Variants in CAMK2D observed in about 807,000 individuals in gnomAD.
The protein encoded by CAMK2D is calcium/calmodulin dependent protein kinase II delta, also known as calcium/calmodulin-dependent protein kinase type II subunit delta.
Under a neutral mutation model 84.0 loss-of-function variants are expected in CAMK2D, and 37 were observed. The observed-to-expected ratio is 0.44, with a 90% CI of 0.34 to 0.58. CAMK2D has a LOEUF of 0.58. Among genes scored for constraint, CAMK2D ranks in the 20% least tolerant of loss-of-function variants. The probability of loss-of-function intolerance (pLI) is 0.02; values close to 1 mark genes in which losing one functional copy is unlikely to be tolerated. For synonymous variants in CAMK2D, 202 were observed against 212.5 expected, an observed-to-expected ratio of 0.95 and a Z score of 0.43; for missense variants, 448 against 652.5, an observed-to-expected ratio of 0.69 and a Z score of 3.41.
chr4:113,730,465 T>C (rs1202026039), intron 2 of CAMK2D, among the ~76,000 whole-genome samples: 24 of 152,202 alleles, frequency 1.6e-4, no homozygotes. Flanking sequence ...ATAGATAGTA[T>C]TAGCCATATA....
chr4:113,545,143 C>T (rs1591010788), intron 6 of CAMK2D, among the ~76,000 whole-genome samples: 1 of 152,034 alleles, frequency 6.6e-6, no homozygotes, highest in Admixed American at 6.6e-5. Context: ...TTTGGTTGAC[C>T]TTCATTCATT....
chr4:113,761,666 G>C lies in CAMK2D; in HGVS notation c.-598C>G, dbSNP rs1234545807. On this transcript the variant is annotated 5_prime_UTR_variant, in exon 1 of 21. Coordinates refer to ENST00000511664, the MANE Select transcript of CAMK2D (RefSeq NM_001321571.2). ...TCCGGCGGGCGGCAGCGGCTCCGGC[G>C]AAGCGAGGCACCTTGGCGGCCTCGC... 9.1e-6 allele frequency: 9 copies of C among 984,860 alleles called. No individual in the cohort carries two copies. The highest frequency in any genetic ancestry group is 3.5e-5 in the African/African-American group (2 of 57,166). 61.0% of individuals were successfully genotyped at this position (984,860 alleles called of 1,614,324 possible).
intron 16 of CAMK2D, among the ~76,000 whole-genome samples, chr4:113,499,544 T>A (rs2098000753): frequency 3.3e-5 from 5 of 152,216 alleles, no homozygotes. Context: ...AAGACTTTAT[T>A]GTATTAACAC....
At chr4:113,569,195 C>A (rs1476092393) in intron 4 of CAMK2D, among the ~76,000 whole-genome samples, 1 of 152,022 alleles carries the variant, frequency 6.6e-6, no homozygotes, top group Non-Finnish European at 1.5e-5. Flanking sequence ...TATTTTTACT[C>A]TCTTGATTGT....
At chr4:113,645,571 T>C (rs970735688) in intron 3 of CAMK2D, among the ~76,000 whole-genome samples, 3 of 152,194 alleles carry the variant, frequency 2.0e-5, no homozygotes, top group Non-Finnish European at 4.4e-5. Flanking sequence ...AACCTTTCTC[T>C]TTCTTTCCTG....
intron 2 of CAMK2D, among the ~76,000 whole-genome samples, chr4:113,715,424 G>A (rs1471092450): frequency 6.6e-6 from 1 of 151,956 alleles, no homozygotes; most frequent in Non-Finnish European, 1.5e-5. Context: ...ATTCTCATAT[G>A]CTATGAGTTT....
chr4:113,529,489 A>G (rs963924684), intron 8 of CAMK2D, among the ~76,000 whole-genome samples: 25 of 152,196 alleles, frequency 1.6e-4, no homozygotes, highest in African/African-American at 6.0e-4. Flanking sequence ...AAGCCAAACT[A>G]TGATAGTTAG....
At chr4:113,705,304 G>C (rs2099444513) in intron 2 of CAMK2D, among the ~76,000 whole-genome samples, 1 of 149,126 alleles carries the variant, frequency 6.7e-6, no homozygotes, top group Non-Finnish European at 1.5e-5. Context: ...TTCAGCCTGG[G>C]GGACAAAGTG....
intron 2 of CAMK2D, among the ~76,000 whole-genome samples, chr4:113,676,357 C>T (rs1028133692): frequency 3.9e-5 from 6 of 152,154 alleles, no homozygotes; most frequent in Non-Finnish European, 8.8e-5. Context: ...TTAAAAATCA[C>T]AGTTGCTGGC....
At chr4:113,579,231 A>G (rs1388530307) in intron 4 of CAMK2D, among the ~76,000 whole-genome samples, 1 of 152,224 alleles carries the variant, frequency 6.6e-6, no homozygotes, top group East Asian at 1.9e-4. Context: ...AGTCTTTGCT[A>G]AAATTGTTGC....
chr4:113,461,084 G>T (rs1178509958), intron 17 of CAMK2D, among the ~76,000 whole-genome samples: 1 of 152,078 alleles, frequency 6.6e-6, no homozygotes, highest in East Asian at 1.9e-4. Flanking sequence ...TACACTTCCT[G>T]GCAATGTCCA....
chr4:113,618,620 ATAT>A (rs1313658335), intron 3 of CAMK2D, among the ~76,000 whole-genome samples: 2 of 152,212 alleles, frequency 1.3e-5, no homozygotes, highest in African/African-American at 2.4e-5. Context: ...TTGTACTATA[ATAT>A]TATATTATCC....
chr4:113,496,488 AC>A (rs2154145381), intron 16 of CAMK2D, among the ~76,000 whole-genome samples: 1 of 130,990 alleles, frequency 7.6e-6, no homozygotes, highest in South Asian at 2.4e-4. Flanking sequence ...TCACTCTGTC[AC>A]CCAGGCTGGA....
At chr4:113,749,220 A>G (rs1229331452) in intron 2 of CAMK2D, among the ~76,000 whole-genome samples, 1 of 151,876 alleles carries the variant, frequency 6.6e-6, no homozygotes, top group Admixed American at 6.6e-5. Flanking sequence ...CTAATTTAGT[A>G]TATGTATTAG....
At position 113,662,316 on chromosome 4, in the gene CAMK2D, T is replaced by C. The variant is rs1257732398; in HGVS notation, c.161-544A>G. ...TCAAAGATTTCCAAAAATCCCTAAT[T>C]GCTTGCTCATCTTTACCTTTCTATG... On this transcript the variant is annotated intron_variant, in intron 2 of 20. Transcript: ENST00000511664. Among the ~76,000 whole-genome samples the C allele has an allele frequency of 2.0e-5, 3 of 152,224 alleles. No homozygotes were observed. The East Asian group carries it at 5.8e-4, about 29-fold the overall frequency.
At chr4:113,614,064 T>A (rs1190554884) in intron 3 of CAMK2D, among the ~76,000 whole-genome samples, 1 of 152,088 alleles carries the variant, frequency 6.6e-6, no homozygotes, top group East Asian at 1.9e-4. Flanking sequence ...GAATATATTA[T>A]TTTATTGAGA....
intron 4 of CAMK2D, among the ~76,000 whole-genome samples, chr4:113,602,655 C>A (rs940390252): frequency 6.6e-6 from 1 of 152,210 alleles, no homozygotes; most frequent in Non-Finnish European, 1.5e-5. Context: ...AGTCCTCTTC[C>A]TTTGTTTTGT....
At chr4:113,695,383 C>T (rs186865173) in intron 2 of CAMK2D, among the ~76,000 whole-genome samples, 3 of 152,150 alleles carry the variant, frequency 2.0e-5, no homozygotes, top group Admixed American at 2.0e-4. Flanking sequence ...AATTCTGGAC[C>T]ATATCCAAGG....
At chr4:113,621,638 T>C (rs1214423236) in intron 3 of CAMK2D, among the ~76,000 whole-genome samples, 1 of 152,178 alleles carries the variant, frequency 6.6e-6, no homozygotes, top group Non-Finnish European at 1.5e-5. Flanking sequence ...AGAAATAAGG[T>C]TCTGGGAGGG....
Sources: gnomAD v4.1 joint callset for allele counts (sites outside exome capture counted in the v4.1 genomes callset) on GRCh38, gnomAD v4.1.1 for gene constraint, MANE v1.5 for transcripts, NCBI Gene and HGNC (gene_info 2026-07-23, HGNC 2026-07-21) for gene names.